The following KCNH7 variants were observed in gnomAD, a reference collection of about 807,000 sequenced individuals.
The protein encoded by KCNH7 is potassium voltage-gated channel subfamily H member 7.
A neutral mutation model predicts 120.8 loss-of-function variants in KCNH7; 49 were observed. The ratio of observed to expected loss-of-function variants is 0.41; its 90% CI spans 0.32 to 0.51. The LOEUF (loss-of-function observed/expected upper bound fraction) is 0.51, where lower values mean the gene tolerates loss of function less well. Among genes scored for constraint, KCNH7 ranks in the 20% least tolerant of loss-of-function variants. The pLI is 0.38. For missense variants in KCNH7, 1,097 were observed against 1,446.6 expected, an observed-to-expected ratio of 0.76 and a Z score of 3.92; for synonymous variants, 547 against 516.1, an observed-to-expected ratio of 1.06 and a Z score of -0.81.
At chr2:162,462,775 T>C (rs112847619) in intron 6 of KCNH7, among the ~76,000 whole-genome samples, 1 of 152,054 alleles carries the variant, frequency 6.6e-6, no homozygotes, top group African/African-American at 2.4e-5. Flanking sequence ...TTTTGCTTTT[T>C]AATAGCTTGA....
At chr2:162,507,972 T>A (rs776017665) in intron 5 of KCNH7, among the ~76,000 whole-genome samples, 1 of 151,630 alleles carries the variant, frequency 6.6e-6, no homozygotes, top group African/African-American at 2.4e-5. Flanking sequence ...TTTCTTCATA[T>A]GTCTGATTAT....
At chr2:162,581,060 A>G (rs757971512) in intron 2 of KCNH7, among the ~76,000 whole-genome samples, 2 of 152,028 alleles carry the variant, frequency 1.3e-5, no homozygotes, top group Non-Finnish European at 2.9e-5. Context: ...ATACAGCAAC[A>G]CGATTTTCCA....
chr2:162,510,440 A>G (rs1016415045), intron 5 of KCNH7, among the ~76,000 whole-genome samples: 60 of 151,602 alleles, frequency 4.0e-4, no homozygotes, highest in Non-Finnish European at 2.5e-4. Context: ...TCTTTGTGTA[A>G]CAGGCACTAA....
At chr2:162,590,370 A>G (rs1694172022) in intron 2 of KCNH7, among the ~76,000 whole-genome samples, 1 of 152,094 alleles carries the variant, frequency 6.6e-6, no homozygotes, top group Non-Finnish European at 1.5e-5. Context: ...TAGAGCAAGT[A>G]TTTTAAAAAC....
At chr2:162,483,255 A>G (rs985623) in intron 6 of KCNH7, among the ~76,000 whole-genome samples, 39,281 of 152,100 alleles carry the variant, frequency 0.26, 9,525 homozygotes, top group African/African-American at 0.62. Flanking sequence ...ACCTTAGACC[A>G]ATTATTTCAA....
chr2:162,620,221 T>G lies in KCNH7; in HGVS notation c.308-83141A>C, dbSNP rs542022141. ...TTTATTTTATATATTAAAATATATATAGAGAGAGGAAAATCTCTTAATATA... is the reference window on the plus strand; with the variant it reads ...TTTATTTTATATATTAAAATATATAGAGAGAGAGGAAAATCTCTTAATATA... On this transcript the variant is annotated intron_variant, in intron 2 of 15. Transcript: ENST00000332142. Among the ~76,000 whole-genome samples, 303 of 150,702 alleles carry G rather than the reference T, an allele frequency of 2.0e-3. 1 individual carries two copies. The highest frequency in any genetic ancestry group is 3.1e-3 in the South Asian group (15 of 4,796).
At chr2:162,494,313 G>A (rs1244207845) in intron 6 of KCNH7, among the ~76,000 whole-genome samples, 8 of 152,068 alleles carry the variant, frequency 5.3e-5, no homozygotes, top group Admixed American at 5.2e-4. Context: ...ATAATATCAA[G>A]TGTTGTGAAC....
At chr2:162,814,918 A>G (rs1371979745) in intron 2 of KCNH7, among the ~76,000 whole-genome samples, 3 of 152,132 alleles carry the variant, frequency 2.0e-5, no homozygotes, top group Non-Finnish European at 2.9e-5. Flanking sequence ...CAGTTTTCCT[A>G]TCTACTCACT....
intron 2 of KCNH7, among the ~76,000 whole-genome samples, chr2:162,771,640 T>C (rs1683057821): frequency 6.6e-6 from 1 of 152,164 alleles, no homozygotes; most frequent in Non-Finnish European, 1.5e-5. Context: ...GTATTCCAAA[T>C]GAATAAAATT....
chr2:162,600,666 C>A (rs1282513211), intron 2 of KCNH7, among the ~76,000 whole-genome samples: 1 of 152,022 alleles, frequency 6.6e-6, no homozygotes, highest in Non-Finnish European at 1.5e-5. Flanking sequence ...GAATATGGGG[C>A]AAATAAGATG....
chr2:162,571,535 GA>G (rs925784699), intron 2 of KCNH7, among the ~76,000 whole-genome samples: 2 of 145,144 alleles, frequency 1.4e-5, no homozygotes, highest in Non-Finnish European at 3.0e-5. Context: ...CACAGAATTG[GA>G]AAAAACTACT....
chr2:162,572,166 C>G (rs181466825), intron 2 of KCNH7, among the ~76,000 whole-genome samples: 16 of 152,090 alleles, frequency 1.1e-4, no homozygotes, highest in Non-Finnish European at 1.8e-4. Flanking sequence ...GGGCTAATAT[C>G]CAGAATCTAT....
rs892517888 is a variant in KCNH7 at position 162,518,122 on chromosome 2, A to C, written c.500T>G (p.Val167Gly). Residue 167 changes from valine (V) to glycine (G), a missense_variant, in exon 4 of 16, where the codon GTT (valine) becomes GGT (glycine). Physicochemically the swap from Val to Gly is moderately radical, Grantham distance 109. This residue lies in a region of KCNH7 where 362 missense variants were observed against 372.2 expected (regional missense o/e 0.97). Transcript: ENST00000332142. ...TAAGGACTGCTTTCTGTAAGTGAGAACTCTCAGACCAGGGAATTTGAACCC... is the reference window on the plus strand; with the variant it reads ...TAAGGACTGCTTTCTGTAAGTGAGACCTCTCAGACCAGGGAATTTGAACCC... ...FFGFKFPGLR[V>G]LTYRKQSLPQ... is the part of the protein sequence containing the mutation. The C allele has an allele frequency of 1.9e-6, 3 of 1,611,384 alleles. No homozygotes were observed. The highest frequency in any genetic ancestry group is 3.3e-5 in the Admixed American group (2 of 59,850).
chr2:162,526,461 A>G (rs1691708291), intron 3 of KCNH7, among the ~76,000 whole-genome samples: 1 of 150,638 alleles, frequency 6.6e-6, no homozygotes, highest in Non-Finnish European at 1.5e-5. Flanking sequence ...TTTCATCCCT[A>G]CAGCTTCGAC....
intron 7 of KCNH7, among the ~76,000 whole-genome samples, chr2:162,445,083 C>A (rs1489665635): frequency 6.6e-6 from 1 of 152,024 alleles, no homozygotes; most frequent in East Asian, 1.9e-4. Flanking sequence ...TTATTTCTAA[C>A]AAATAAATAG....
At chr2:162,392,761 A>G (rs971122101) in intron 12 of KCNH7, among the ~76,000 whole-genome samples, 10 of 151,956 alleles carry the variant, frequency 6.6e-5, no homozygotes, top group African/African-American at 2.4e-4. Context: ...TGATGGGAGT[A>G]GTTAAGGGAA....
intron 2 of KCNH7, among the ~76,000 whole-genome samples, chr2:162,632,148 T>G (rs190793730): frequency 8.0e-4 from 122 of 152,074 alleles, no homozygotes; most frequent in African/African-American, 2.7e-3. Context: ...TGAAAACTAC[T>G]GAAAGACATA....
At chr2:162,563,269 T>C (rs755661217) in intron 2 of KCNH7, among the ~76,000 whole-genome samples, 4 of 150,508 alleles carry the variant, frequency 2.7e-5, no homozygotes, top group Non-Finnish European at 4.4e-5. Context: ...AATCATATAA[T>C]GGCTTATACA....
chr2:162,475,704 G>A (rs960893837), intron 6 of KCNH7, among the ~76,000 whole-genome samples: 1 of 152,134 alleles, frequency 6.6e-6, no homozygotes, highest in African/African-American at 2.4e-5. Flanking sequence ...TGACAAAGAA[G>A]AGGGCAAATT....
Sources: gnomAD v4.1 joint callset for allele counts (sites outside exome capture counted in the v4.1 genomes callset) on GRCh38, gnomAD v4.1.1 for gene constraint, gnomAD v4.1.1 regional missense constraint, MANE v1.5 for transcripts, NCBI Gene and HGNC (gene_info 2026-07-23, HGNC 2026-07-21) for gene names.